Variants in SGCZ observed in about 807,000 individuals in gnomAD.
SGCZ encodes sarcoglycan zeta, also known as zeta-sarcoglycan.
A neutral mutation model predicts 41.3 loss-of-function variants in SGCZ; 40 were observed. That is an observed-to-expected ratio of 0.97 (90% CI 0.75 to 1.26). SGCZ has a LOEUF of 1.26. Ranked by LOEUF, SGCZ falls within the 50% of genes most tolerant of loss-of-function variation. SGCZ has a pLI of 0.00. For missense variants in SGCZ, 552 were observed against 369.8 expected (o/e 1.49, Z -4.04); for synonymous variants, 206 against 137.5 (o/e 1.50, Z -3.49).
chr8:15,202,815 G>A (rs990312606), intron 1 of SGCZ, among the ~76,000 whole-genome samples: 5 of 151,928 alleles, frequency 3.3e-5, no homozygotes, highest in Non-Finnish European at 7.4e-5. Context: ...AAAAAGCTAG[G>A]TTAAGACAAA....
intron 3 of SGCZ, among the ~76,000 whole-genome samples, chr8:14,279,940 G>C (rs1800365232): frequency 6.6e-6 from 1 of 151,652 alleles, no homozygotes. Flanking sequence ...TCTTGGCCTA[G>C]ATGTGACAAG....
At chr8:15,021,751 C>A (rs1332241938) in intron 1 of SGCZ, among the ~76,000 whole-genome samples, 2 of 152,122 alleles carry the variant, frequency 1.3e-5, no homozygotes, top group African/African-American at 4.8e-5. Context: ...CTGCTGAGGC[C>A]TATTCTTTCT....
chr8:14,818,427 C>T (rs1165952470), intron 1 of SGCZ, among the ~76,000 whole-genome samples: 1 of 152,094 alleles, frequency 6.6e-6, no homozygotes, highest in Non-Finnish European at 1.5e-5. Context: ...AGAACCAAAA[C>T]CAACATACCA....
intron 2 of SGCZ, among the ~76,000 whole-genome samples, chr8:14,485,106 T>C (rs1487740239): frequency 6.6e-6 from 1 of 152,244 alleles, no homozygotes; most frequent in Admixed American, 6.5e-5. Flanking sequence ...TACTAATTTA[T>C]GCAGAATTTC....
chr8:14,545,308 G>T (rs905318465), intron 2 of SGCZ, among the ~76,000 whole-genome samples: 1 of 151,942 alleles, frequency 6.6e-6, no homozygotes, highest in Non-Finnish European at 1.5e-5. Flanking sequence ...ATAAATCATA[G>T]AAATTCTTGC....
intron 1 of SGCZ, among the ~76,000 whole-genome samples, chr8:14,694,867 G>A (rs1309437872): frequency 6.6e-6 from 1 of 152,142 alleles, no homozygotes; most frequent in East Asian, 1.9e-4. Context: ...AGTAGTTTGT[G>A]TCTTCAAAAA....
chr8:14,844,296 G>C (rs1490419406), intron 1 of SGCZ, among the ~76,000 whole-genome samples: 1 of 152,092 alleles, frequency 6.6e-6, no homozygotes, highest in African/African-American at 2.4e-5. Flanking sequence ...ACTTTAGAGA[G>C]TGGAAACAAC....
At chr8:14,787,955 A>G (rs1489246080) in intron 1 of SGCZ, among the ~76,000 whole-genome samples, 1 of 152,176 alleles carries the variant, frequency 6.6e-6, no homozygotes, top group Non-Finnish European at 1.5e-5. Flanking sequence ...CCTAGTTGCC[A>G]TTTAGTTAAA....
At chr8:15,117,358 C>CAA (rs111672452) in intron 1 of SGCZ, among the ~76,000 whole-genome samples, 3 of 137,076 alleles carry the variant, frequency 2.2e-5, no homozygotes, top group Non-Finnish European at 4.8e-5. Flanking sequence ...GACTCCATCT[C>CAA]AAAAAAAAAA....
chr8:14,772,800 G>A (rs1800290577), intron 1 of SGCZ, among the ~76,000 whole-genome samples: 1 of 151,968 alleles, frequency 6.6e-6, no homozygotes, highest in African/African-American at 2.4e-5. Flanking sequence ...GTGTATATGT[G>A]CCACATTTCC....
chr8:14,767,186 C>T (rs1335579656), intron 1 of SGCZ, among the ~76,000 whole-genome samples: 1 of 152,136 alleles, frequency 6.6e-6, no homozygotes, highest in Non-Finnish European at 1.5e-5. Context: ...AATGACATGG[C>T]ACAAGGTCTA....
intron 1 of SGCZ, among the ~76,000 whole-genome samples, chr8:14,828,751 G>A (rs142487589): frequency 4.6e-5 from 7 of 152,266 alleles, no homozygotes; most frequent in Non-Finnish European, 1.0e-4. Context: ...CATCTGCTTA[G>A]TATGAGAGTG....
intron 1 of SGCZ, among the ~76,000 whole-genome samples, chr8:14,696,279 T>C (rs1272344470): frequency 6.6e-6 from 1 of 152,126 alleles, no homozygotes; most frequent in Non-Finnish European, 1.5e-5. Context: ...ATATGAGAAC[T>C]TTAGGGACTA....
intron 5 of SGCZ, among the ~76,000 whole-genome samples, chr8:14,141,984 T>C (rs934482020): frequency 6.6e-6 from 1 of 152,084 alleles, no homozygotes; most frequent in South Asian, 2.1e-4. Flanking sequence ...TACTCTGCAG[T>C]CATAAAAAAT....
At chr8:14,532,801 C>T (rs34094260) in intron 2 of SGCZ, among the ~76,000 whole-genome samples, 14,560 of 151,148 alleles carry the variant, frequency 0.096, 1,212 homozygotes, top group African/African-American at 0.22. Context: ...ACTACAAAAA[C>T]GTAAAGAAAG....
chr8:14,947,204 G>A (rs1017975578), intron 1 of SGCZ, among the ~76,000 whole-genome samples: 1 of 152,134 alleles, frequency 6.6e-6, no homozygotes, highest in African/African-American at 2.4e-5. Flanking sequence ...GTAAGCGAAG[G>A]AATGAGCACA....
At chr8:14,274,922 G>A (rs921244116) in intron 3 of SGCZ, among the ~76,000 whole-genome samples, 1 of 151,998 alleles carries the variant, frequency 6.6e-6, no homozygotes, top group Non-Finnish European at 1.5e-5. Flanking sequence ...TTGTTCCATA[G>A]AGTTTTGGCA....
intron 1 of SGCZ, among the ~76,000 whole-genome samples, chr8:15,176,744 G>A (rs1045494162): frequency 4.6e-5 from 7 of 152,200 alleles, no homozygotes; most frequent in Non-Finnish European, 1.0e-4. Flanking sequence ...GCTCACGCCT[G>A]TAATCCCAGC....
chr8:14,362,954 G>T (rs757972006), intron 2 of SGCZ, among the ~76,000 whole-genome samples: 1 of 152,176 alleles, frequency 6.6e-6, no homozygotes, highest in Admixed American at 6.5e-5. Context: ...AATGTGGTAA[G>T]ATGTGAGTTT....
Sources: allele counts gnomAD v4.1 joint callset (sites outside exome capture counted in the v4.1 genomes callset), GRCh38; gene constraint gnomAD v4.1.1; transcripts MANE v1.5; gene names NCBI Gene and HGNC (gene_info 2026-07-23, HGNC 2026-07-21).